Variants in ANO3 observed in about 807,000 individuals in gnomAD.
ANO3 encodes the protein anoctamin-3.
Under a neutral mutation model 144.8 loss-of-function variants are expected in ANO3, and 99 were observed. The ratio of observed to expected loss-of-function variants is 0.68; its 90% CI spans 0.58 to 0.81. The LOEUF is 0.81. Ranked by LOEUF, ANO3 falls within the 30% of genes least tolerant of loss-of-function variation. The pLI is 0.00. For synonymous variants in ANO3, 414 were observed against 392.6 expected (o/e 1.05, Z -0.64); for missense variants, 905 against 1,202.2 (o/e 0.75, Z 3.66).
intron 17 of ANO3, among the ~76,000 whole-genome samples, chr11:26,608,397 C>G (rs76423082): frequency 0.025 from 3,869 of 152,230 alleles, 175 homozygotes; most frequent in African/African-American, 0.089. Flanking sequence ...ACAACCCCTG[C>G]TGGAGGGTCT....
At chr11:26,583,130 A>G (rs1179620131) in intron 14 of ANO3, among the ~76,000 whole-genome samples, 5 of 152,214 alleles carry the variant, frequency 3.3e-5, no homozygotes, top group African/African-American at 1.2e-4. Context: ...AGTTACCTTT[A>G]GAGGGACTCT....
At chr11:26,495,445 C>T (rs1565060445) in intron 4 of ANO3, among the ~76,000 whole-genome samples, 1 of 152,010 alleles carries the variant, frequency 6.6e-6, no homozygotes, top group Non-Finnish European at 1.5e-5. Context: ...AACTCCTGTA[C>T]TGGAAAGAGC....
chr11:26,443,952 C>T (rs560674013), intron 3 of ANO3, 116 bp downstream of exon 3: 22 of 619,710 alleles, frequency 3.6e-5, no homozygotes, highest in Middle Eastern at 2.7e-4. Flanking sequence ...TGGTTTTTAA[C>T]GTAATAGGTG....
chr11:26,361,948 T>A (rs1855939774), intron 1 of ANO3, among the ~76,000 whole-genome samples: 1 of 152,218 alleles, frequency 6.6e-6, no homozygotes, highest in Admixed American at 6.5e-5. Flanking sequence ...TCCAGTTCTT[T>A]AGACTTAGTG....
chr11:26,245,018 T>TGTGTGTGTGTGTGCGCGCGC (rs151031559), intron 1 of ANO3, among the ~76,000 whole-genome samples: 1 of 145,324 alleles, frequency 6.9e-6, no homozygotes, highest in Non-Finnish European at 1.5e-5. Flanking sequence ...TGTGTGTGTG[T>TGTGTGTGTGTGTGCGCGCGC]GTGCATGCAT....
At chr11:26,201,386 C>G (rs979424214) in intron 1 of ANO3, among the ~76,000 whole-genome samples, 11 of 152,044 alleles carry the variant, frequency 7.2e-5, no homozygotes, top group Non-Finnish European at 1.6e-4. Flanking sequence ...TTTATCATAC[C>G]TATTGACTTT....
chr11:26,533,143 G>A (rs1163108471), intron 8 of ANO3, among the ~76,000 whole-genome samples: 2 of 152,088 alleles, frequency 1.3e-5, no homozygotes, highest in Non-Finnish European at 1.5e-5. Context: ...AAATGATGCA[G>A]AGTAAAATCA....
At chr11:26,627,946 G>A (rs1487403933) in intron 18 of ANO3, among the ~76,000 whole-genome samples, 1 of 151,660 alleles carries the variant, frequency 6.6e-6, no homozygotes, top group African/African-American at 2.4e-5. Flanking sequence ...CTCAGAAGAG[G>A]TCATATGCTA....
chr11:26,315,858 C>G (rs2133874706), intron 1 of ANO3, among the ~76,000 whole-genome samples: 1 of 152,140 alleles, frequency 6.6e-6, no homozygotes, highest in Non-Finnish European at 1.5e-5. Flanking sequence ...AAAACCACTG[C>G]CTTATAACCT....
intron 3 of ANO3, among the ~76,000 whole-genome samples, chr11:26,455,407 A>G (rs1357006961): frequency 6.6e-6 from 1 of 151,878 alleles, no homozygotes; most frequent in Admixed American, 6.6e-5. Flanking sequence ...TACAAAAATC[A>G]CAAGCATTCT....
chr11:26,568,409 A>G (rs933951376), intron 14 of ANO3, among the ~76,000 whole-genome samples: 2 of 151,932 alleles, frequency 1.3e-5, no homozygotes, highest in Non-Finnish European at 2.9e-5. Flanking sequence ...TGTTTGTAAC[A>G]TAAGTTGCAA....
intron 1 of ANO3, among the ~76,000 whole-genome samples, chr11:26,409,859 A>C (rs1007309290): frequency 2.4e-4 from 37 of 151,988 alleles, no homozygotes; most frequent in African/African-American, 8.9e-4. Context: ...TACCCTTTAC[A>C]GACAAGGCAG....
At chr11:26,223,291 C>T (rs886262349) in intron 1 of ANO3, among the ~76,000 whole-genome samples, 5 of 152,116 alleles carry the variant, frequency 3.3e-5, no homozygotes, top group African/African-American at 1.2e-4. Flanking sequence ...CAGCCAAGCT[C>T]TTTCCTAAGA....
At chr11:26,242,515 G>A (rs1852684502) in intron 1 of ANO3, among the ~76,000 whole-genome samples, 1 of 151,808 alleles carries the variant, frequency 6.6e-6, no homozygotes, top group African/African-American at 2.4e-5. Context: ...TCATCTCCGT[G>A]GTACTCATTA....
chr11:26,613,748 C>T (rs1852167638), intron 17 of ANO3, among the ~76,000 whole-genome samples: 1 of 151,944 alleles, frequency 6.6e-6, no homozygotes, highest in South Asian at 2.1e-4. Flanking sequence ...CAATACTTGT[C>T]AGTGATGTCT....
In ANO3 at chr11:26,233,669, A is replaced by G. The variant is rs547158188; in HGVS notation, c.154+44339A>G. Reference sequence around the variant, plus strand: ...TATGTTTATTGAAGCACTATTTATAATAGAAAAGACTTGGAACCAACTCAA... The same window carrying G: ...TATGTTTATTGAAGCACTATTTATAGTAGAAAAGACTTGGAACCAACTCAA... On this transcript the variant is annotated intron_variant, in intron 1 of 27. Transcript: ENST00000672621. Among the ~76,000 whole-genome samples, 6 of 152,340 alleles carry G rather than the reference A, an allele frequency of 3.9e-5. No homozygotes were observed. The East Asian group carries it at 1.2e-3, about 29-fold the overall frequency.
At chr11:26,223,278 A>G (rs1852187101) in intron 1 of ANO3, among the ~76,000 whole-genome samples, 1 of 152,158 alleles carries the variant, frequency 6.6e-6, no homozygotes, top group Admixed American at 6.5e-5. Flanking sequence ...CACGGACAGA[A>G]TTCAGCCAAG....
intron 7 of ANO3, among the ~76,000 whole-genome samples, chr11:26,529,653 T>C (rs1316945094): frequency 1.3e-5 from 2 of 150,046 alleles, no homozygotes; most frequent in African/African-American, 4.9e-5. Flanking sequence ...GGACTTACTA[T>C]TGCAGAAGAA....
chr11:26,339,530 C>CT (rs1202044135), intron 1 of ANO3, among the ~76,000 whole-genome samples: 1 of 152,160 alleles, frequency 6.6e-6, no homozygotes, highest in African/African-American at 2.4e-5. Context: ...GAATGAAACA[C>CT]TTAAACAGCT....
Sources: allele counts gnomAD v4.1 joint callset (sites outside exome capture counted in the v4.1 genomes callset), GRCh38; gene constraint gnomAD v4.1.1; transcripts MANE v1.5; gene names NCBI Gene and HGNC (gene_info 2026-07-23, HGNC 2026-07-21).